EXOC6B: variants seen among roughly 807,000 people sequenced by gnomAD.
EXOC6B encodes the protein exocyst complex component 6B.
A neutral mutation model predicts 113.5 loss-of-function variants in EXOC6B; 54 were observed. The ratio of observed to expected loss-of-function variants is 0.48; its 90% CI spans 0.38 to 0.60. The LOEUF (loss-of-function observed/expected upper bound fraction) is 0.60. Among genes scored for constraint, EXOC6B ranks in the 20% least tolerant of loss-of-function variants. EXOC6B has a pLI of 0.00. For missense variants in EXOC6B, 797 were observed against 977.5 expected, an observed-to-expected ratio of 0.82 and a Z score of 2.46; for synonymous variants, 357 against 339.0, an observed-to-expected ratio of 1.05 and a Z score of -0.58.
intron 20 of EXOC6B, among the ~76,000 whole-genome samples, chr2:72,187,502 A>G (rs1678515647): frequency 6.6e-6 from 1 of 152,044 alleles, no homozygotes; most frequent in African/African-American, 2.4e-5. Context: ...CACAGTGGGA[A>G]GCTCCTCTCA....
intron 16 of EXOC6B, among the ~76,000 whole-genome samples, chr2:72,489,452 C>G (rs1699618962): frequency 6.6e-6 from 1 of 152,110 alleles, no homozygotes; most frequent in Non-Finnish European, 1.5e-5. Context: ...CATTTCTATA[C>G]TAGTATTAAT....
intron 20 of EXOC6B, among the ~76,000 whole-genome samples, chr2:72,203,803 A>G (rs1679652032): frequency 6.6e-6 from 1 of 152,214 alleles, no homozygotes; most frequent in South Asian, 2.1e-4. Flanking sequence ...GAGGCTCTGG[A>G]CCATCAAGAT....
At chr2:72,633,260 T>C (rs755011327) in intron 6 of EXOC6B, among the ~76,000 whole-genome samples, 107 of 152,294 alleles carry the variant, frequency 7.0e-4, no homozygotes, top group Admixed American at 1.6e-3. Flanking sequence ...CCTACCCCTA[T>C]CCCAGGAACG....
intron 1 of EXOC6B, among the ~76,000 whole-genome samples, chr2:72,782,489 G>C (rs1189652290): frequency 6.6e-6 from 1 of 152,030 alleles, no homozygotes; most frequent in Non-Finnish European, 1.5e-5. Context: ...GGATACTTAA[G>C]GTGTCCATCA....
intron 19 of EXOC6B, among the ~76,000 whole-genome samples, chr2:72,341,969 T>G (rs1239478136): frequency 6.6e-6 from 1 of 151,850 alleles, no homozygotes; most frequent in Non-Finnish European, 1.5e-5. Context: ...TATGTGGAAA[T>G]TAAACAATAC....
chr2:72,559,575 T>G (rs1703767864), intron 7 of EXOC6B, 54 bp from the exon 8 acceptor site: 1 of 1,426,138 alleles, frequency 7.0e-7, no homozygotes, highest in African/African-American at 1.4e-5. Flanking sequence ...TAAAAGCAAC[T>G]ACATTAATTG....
At chr2:72,645,471 A>T (rs1673636693) in intron 6 of EXOC6B, among the ~76,000 whole-genome samples, 1 of 152,190 alleles carries the variant, frequency 6.6e-6, no homozygotes, top group South Asian at 2.1e-4. Context: ...CTCCACCCCA[A>T]ATGAGCAGAA....
chr2:72,320,222 T>A (rs1687772434), intron 20 of EXOC6B, among the ~76,000 whole-genome samples: 1 of 149,692 alleles, frequency 6.7e-6, no homozygotes, highest in Non-Finnish European at 1.5e-5. Flanking sequence ...TATATTTACA[T>A]ATACAGTTTT....
intron 6 of EXOC6B, among the ~76,000 whole-genome samples, chr2:72,577,741 C>A (rs1251277313): frequency 6.6e-6 from 1 of 151,838 alleles, no homozygotes; most frequent in Non-Finnish European, 1.5e-5. Context: ...AAAAGCCCTT[C>A]AGAGATCTTT....
chr2:72,282,495 G>GA (rs1685182443), intron 20 of EXOC6B, among the ~76,000 whole-genome samples: 1 of 150,052 alleles, frequency 6.7e-6, no homozygotes, highest in Non-Finnish European at 1.5e-5. Context: ...AGGAAAGGAG[G>GA]AAAAAGTTAA....
chr2:72,436,552 G>C (rs1695884050), intron 18 of EXOC6B, among the ~76,000 whole-genome samples: 2 of 151,696 alleles, frequency 1.3e-5, no homozygotes, highest in African/African-American at 4.8e-5. Flanking sequence ...TCATAGATTT[G>C]GTCTTTTCAC....
intron 1 of EXOC6B, among the ~76,000 whole-genome samples, chr2:72,815,917 G>A (rs1486390924): frequency 6.6e-6 from 1 of 152,204 alleles, no homozygotes; most frequent in African/African-American, 2.4e-5. Context: ...CCAGTACTTT[G>A]GGAGGCCAAG....
chr2:72,816,749 T>C (rs1233763484), intron 1 of EXOC6B, among the ~76,000 whole-genome samples: 1 of 152,190 alleles, frequency 6.6e-6, no homozygotes, highest in African/African-American at 2.4e-5. Context: ...AATACAGGAA[T>C]ACTTAGCAAA....
chr2:72,801,512 T>C (rs2105083275), intron 1 of EXOC6B, among the ~76,000 whole-genome samples: 1 of 152,318 alleles, frequency 6.6e-6, no homozygotes, highest in African/African-American at 2.4e-5. Flanking sequence ...CCTAAAGCAC[T>C]ATGTTGACTG....
intron 19 of EXOC6B, among the ~76,000 whole-genome samples, chr2:72,372,454 C>T (rs1394970528): frequency 6.6e-6 from 1 of 152,144 alleles, no homozygotes; most frequent in Non-Finnish European, 1.5e-5. Flanking sequence ...CAGCATGGTA[C>T]TGGCATTAAA....
At chr2:72,558,437 T>C (rs975419775) in intron 8 of EXOC6B, among the ~76,000 whole-genome samples, 7 of 152,114 alleles carry the variant, frequency 4.6e-5, no homozygotes, top group Admixed American at 1.3e-4. Context: ...GTATCCCAAA[T>C]TGTCAGGAGT....
chr2:72,205,626 A>C (rs1679791382), intron 20 of EXOC6B, among the ~76,000 whole-genome samples: 1 of 152,204 alleles, frequency 6.6e-6, no homozygotes, highest in Non-Finnish European at 1.5e-5. Flanking sequence ...TGGCAGTGAC[A>C]GGGGTGCTAA....
intron 18 of EXOC6B, among the ~76,000 whole-genome samples, chr2:72,416,161 T>A (rs1694510223): frequency 6.6e-6 from 1 of 152,174 alleles, no homozygotes; most frequent in Non-Finnish European, 1.5e-5. Flanking sequence ...GTGACATCCA[T>A]CCCTTTTGTT....
chr2:72,266,662 G>C (rs1412043779), intron 20 of EXOC6B, among the ~76,000 whole-genome samples: 1 of 152,006 alleles, frequency 6.6e-6, no homozygotes, highest in African/African-American at 2.4e-5. Context: ...CTGTAGCCTT[G>C]TAGTATGGTT....
Sources: gnomAD v4.1 joint callset for allele counts (sites outside exome capture counted in the v4.1 genomes callset) on GRCh38, gnomAD v4.1.1 for gene constraint, MANE v1.5 for transcripts, NCBI Gene and HGNC (gene_info 2026-07-23, HGNC 2026-07-21) for gene names.